Variants in OPCML observed in about 807,000 individuals in gnomAD.
OPCML encodes opioid binding protein/cell adhesion molecule like.
OPCML carries 13 observed loss-of-function variants against 37.8 expected under a neutral mutation model. The ratio of observed to expected loss-of-function variants is 0.34; its 90% CI spans 0.22 to 0.55. OPCML has a LOEUF of 0.55. Among genes scored for constraint, OPCML ranks in the 20% least tolerant of loss-of-function variants. The pLI, the probability that OPCML is intolerant of heterozygous loss-of-function variation, is 0.91. For missense variants in OPCML, 341 were observed against 435.6 expected (o/e 0.78, Z 1.93); for synonymous variants, 176 against 168.8 (o/e 1.04, Z -0.33).
At chr11:132,543,565 A>T (rs1228085043) in intron 3 of OPCML, among the ~76,000 whole-genome samples, 1 of 152,186 alleles carries the variant, frequency 6.6e-6, no homozygotes, top group Non-Finnish European at 1.5e-5. Context: ...AGTATAGAAT[A>T]GACCATTAAT....
chr11:132,794,643 G>A lies in OPCML; in HGVS notation c.147-137324C>T, dbSNP rs565993689. ...TTGTGTACATGAATGGACACCACAAGCCACACATCCAGGCTCTTCCCAGAA... is the reference window on the plus strand; with the variant it reads ...TTGTGTACATGAATGGACACCACAAACCACACATCCAGGCTCTTCCCAGAA... On this transcript the variant is annotated intron_variant, in intron 2 of 7. Coordinates refer to ENST00000524381, the MANE Select transcript of OPCML (RefSeq NM_001012393.5). Among the ~76,000 whole-genome samples, 6 of 152,154 alleles carry A rather than the reference G, an allele frequency of 3.9e-5. No homozygotes were observed. The South Asian group carries it at 1.2e-3, about 32-fold the overall frequency.
chr11:133,067,301 G>A (rs1358075585), intron 1 of OPCML: 1 of 152,166 alleles, frequency 6.6e-6, no homozygotes, highest in African/African-American at 2.4e-5. Flanking sequence ...GCTTGGATTT[G>A]AATAGGGTCT....
chr11:133,177,303 T>C lies in OPCML; in HGVS notation c.62-234293A>G, dbSNP rs1937618699. 2.0e-5 allele frequency among the ~76,000 whole-genome samples: 3 copies of C among 152,184 alleles called. No homozygotes were observed. ...AGTGGGAAATAAAGCTGGATGACTT[T>C]GAAGGACTTTTTAAGATTCTATCAT... On this transcript the variant is annotated intron_variant, in intron 1 of 7. Transcript: ENST00000524381. This position sits in a 1 kb window ranked among gnomAD's most constrained non-coding sequence, Gnocchi z 5.0.
chr11:132,920,333 C>T (rs1452903171), intron 2 of OPCML, among the ~76,000 whole-genome samples: 1 of 152,218 alleles, frequency 6.6e-6, no homozygotes, highest in African/African-American at 2.4e-5. Flanking sequence ...AAATGGACTG[C>T]ATCCCACCTC....
intron 7 of OPCML, among the ~76,000 whole-genome samples, chr11:132,428,421 T>C (rs1592159053): frequency 6.6e-6 from 1 of 152,232 alleles, no homozygotes; most frequent in Non-Finnish European, 1.5e-5. Context: ...ATCTTCTAAG[T>C]GCAGAAAATG....
At chr11:133,431,106 AAATAAG>A (rs1222281293) in intron 1 of OPCML, among the ~76,000 whole-genome samples, 1 of 152,234 alleles carries the variant, frequency 6.6e-6, no homozygotes, top group East Asian at 1.9e-4. Context: ...CTTCATTGCA[AAATAAG>A]AATAATAACT....
chr11:133,133,133 C>T (rs955055226), intron 1 of OPCML, among the ~76,000 whole-genome samples: 4 of 152,174 alleles, frequency 2.6e-5, no homozygotes, highest in African/African-American at 9.7e-5. Flanking sequence ...ACTCAGAAGG[C>T]ATGGCCTCCA....
chr11:132,676,068 G>C (rs981465263), intron 2 of OPCML, among the ~76,000 whole-genome samples: 25 of 152,152 alleles, frequency 1.6e-4, no homozygotes, highest in Non-Finnish European at 3.5e-4. Flanking sequence ...AATTAAGTCA[G>C]TGTAGCACTG....
intron 3 of OPCML, among the ~76,000 whole-genome samples, chr11:132,574,241 T>C (rs1167591124): frequency 7.6e-6 from 1 of 131,028 alleles, no homozygotes; most frequent in Non-Finnish European, 1.6e-5. Flanking sequence ...CTCTAATCTT[T>C]GTGTTTTTTT....
rs577063878 is a variant in OPCML at position 132,642,761 on chromosome 11, T to G, written c.379+14326A>C. Among the ~76,000 whole-genome samples the G allele has an allele frequency of 2.6e-5, 4 of 152,340 alleles. No individual in the cohort carries two copies. In the South Asian group the frequency reaches 8.3e-4, roughly 32 times the overall value. ...TCCCACAGTTGACAGATGAAGATTCTGAAACATAGCAAGGTTGAGTAAATC... is the reference window on the plus strand; with the variant it reads ...TCCCACAGTTGACAGATGAAGATTCGGAAACATAGCAAGGTTGAGTAAATC... On this transcript the variant is annotated intron_variant, in intron 3 of 7. Transcript: ENST00000524381.
intron 3 of OPCML, among the ~76,000 whole-genome samples, chr11:132,544,892 G>A (rs549857077): frequency 4.1e-4 from 63 of 152,224 alleles, no homozygotes; most frequent in Non-Finnish European, 7.6e-4. Context: ...CAGGGAAGCT[G>A]GTAGGAGCAT....
intron 1 of OPCML, among the ~76,000 whole-genome samples, chr11:132,999,286 C>T (rs1013799100): frequency 2.0e-5 from 3 of 151,994 alleles, no homozygotes; most frequent in African/African-American, 7.3e-5. Flanking sequence ...CTCGCCCCAG[C>T]CCCCTCCCTA....
chr11:133,258,183 A>G (rs1053560805), intron 1 of OPCML, among the ~76,000 whole-genome samples: 1 of 152,204 alleles, frequency 6.6e-6, no homozygotes, highest in Middle Eastern at 3.2e-3. Context: ...GGCAAAGATG[A>G]GGATAGCTTG....
intron 1 of OPCML, chr11:133,026,334 C>T (rs2136913337): frequency 1.0e-6 from 1 of 963,572 alleles, no homozygotes; most frequent in African/African-American, 1.8e-5. Context: ...TGATAGTTTT[C>T]CTGAGACTTA....
chr11:133,458,538 CAT>C (rs1234884160), intron 1 of OPCML, among the ~76,000 whole-genome samples: 3 of 102,320 alleles, frequency 2.9e-5, no homozygotes, highest in Non-Finnish European at 5.0e-5. Flanking sequence ...TGTGTATACA[CAT>C]ATATACACGT....
intron 2 of OPCML, among the ~76,000 whole-genome samples, chr11:132,689,941 A>G (rs1943331811): frequency 6.6e-6 from 1 of 152,236 alleles, no homozygotes; most frequent in African/African-American, 2.4e-5. Context: ...GGGAGTGCTC[A>G]TATCTAATGC....
chr11:132,495,727 T>C (rs1184580645), intron 4 of OPCML, among the ~76,000 whole-genome samples: 2 of 151,874 alleles, frequency 1.3e-5, no homozygotes, highest in East Asian at 1.9e-4. Flanking sequence ...CCGTCTCCAC[T>C]AAAAATACAA....
At chr11:132,911,190 G>C (rs73602845) in intron 2 of OPCML, among the ~76,000 whole-genome samples, 1 of 152,116 alleles carries the variant, frequency 6.6e-6, no homozygotes, top group African/African-American at 2.4e-5. Context: ...CTCAACCACC[G>C]CCATCAATAA....
chr11:133,454,046 C>T (rs1946628488), intron 1 of OPCML, among the ~76,000 whole-genome samples: 1 of 152,198 alleles, frequency 6.6e-6, no homozygotes, highest in Non-Finnish European at 1.5e-5. Flanking sequence ...TCTGATCCAA[C>T]TGCATTCCCG....
Sources: allele counts gnomAD v4.1 joint callset (sites outside exome capture counted in the v4.1 genomes callset), GRCh38; gene constraint gnomAD v4.1.1; non-coding constraint Gnocchi (gnomAD v3.1); transcripts MANE v1.5; gene names NCBI Gene and HGNC (gene_info 2026-07-23, HGNC 2026-07-21).